Variants in SRGAP3 observed in about 807,000 individuals in gnomAD.
SRGAP3 encodes SLIT-ROBO Rho GTPase-activating protein 3.
In SRGAP3, 39 loss-of-function variants were observed where a neutral mutation model predicts 121.1. The observed-to-expected ratio is 0.32, with a 90% CI of 0.25 to 0.42. The LOEUF is 0.42. SRGAP3 is among the 10% of genes least tolerant of loss of function. SRGAP3 has a pLI of 1.00. For missense variants in SRGAP3, 1,213 were observed against 1,470.6 expected, an observed-to-expected ratio of 0.82 and a Z score of 2.86; for synonymous variants, 601 against 570.0, an observed-to-expected ratio of 1.05 and a Z score of -0.77.
chr3:9,098,155 C>A (rs1948065672), intron 3 of SRGAP3, among the ~76,000 whole-genome samples: 1 of 152,200 alleles, frequency 6.6e-6, no homozygotes, highest in African/African-American at 2.4e-5. Flanking sequence ...TGATAACCAT[C>A]CCTCTCTGCT....
Position 9,331,517 on chromosome 3 carries a change from C to T in SRGAP3, n.215-921G>A, listed in dbSNP as rs192962383. On this transcript the variant is annotated intron_variant and non_coding_transcript_variant, in intron 1 of 3. Coordinates refer to the SRGAP3 transcript ENST00000490889. Reference sequence around the variant, plus strand: ...TCAAAACCCAGATATGACCACCCACCCCAGCCCCATATGTCCTAATAATTC... The same window carrying T: ...TCAAAACCCAGATATGACCACCCACTCCAGCCCCATATGTCCTAATAATTC... Among the ~76,000 whole-genome samples, 178 of 152,292 alleles carry T rather than the reference C, an allele frequency of 1.2e-3. 2 individuals are homozygous for T. Among genetic ancestry groups the T allele is most frequent in the African/African-American group, 4.2e-3 (175 of 41,558 alleles).
At chr3:8,994,297 A>T (rs749564921) in intron 19 of SRGAP3, 46 bp downstream of exon 19, 1 of 1,611,160 alleles carries the variant, frequency 6.2e-7, no homozygotes, top group South Asian at 1.1e-5. Flanking sequence ...CCCAGACATC[A>T]CTAATCTATT....
intron 3 of SRGAP3, among the ~76,000 whole-genome samples, chr3:9,278,073 C>G (rs577775928): frequency 2.1e-4 from 32 of 152,284 alleles, no homozygotes; most frequent in Middle Eastern, 6.8e-3. Flanking sequence ...ACTTCCCAGC[C>G]TAAGGAGCTA....
At chr3:9,075,388 T>TGTGC (rs746257852) in intron 4 of SRGAP3, among the ~76,000 whole-genome samples, 1 of 141,526 alleles carries the variant, frequency 7.1e-6, no homozygotes, top group Admixed American at 6.8e-5. Context: ...TGTGTGTGTG[T>TGTGC]GTGCGCGCGC....
intron 1 of SRGAP3, among the ~76,000 whole-genome samples, chr3:9,243,678 G>T (rs1456687169): frequency 3.3e-5 from 5 of 151,448 alleles, no homozygotes; most frequent in East Asian, 1.9e-4. Context: ...AAAGGGACTG[G>T]TTTTTTGCGT....
chr3:9,115,122 T>A (rs1055687681), intron 2 of SRGAP3, among the ~76,000 whole-genome samples: 11 of 152,288 alleles, frequency 7.2e-5, no homozygotes, highest in African/African-American at 2.4e-4. Flanking sequence ...CAGCTGTGGG[T>A]CTGAAGTTAG....
At chr3:9,180,104 G>A (rs1951325890) in intron 1 of SRGAP3, among the ~76,000 whole-genome samples, 1 of 152,260 alleles carries the variant, frequency 6.6e-6, no homozygotes, top group Admixed American at 6.5e-5. Flanking sequence ...AGACATTCAA[G>A]AGAAAGGGAG....
chr3:8,988,705 C>T (rs1002829474), intron 21 of SRGAP3, among the ~76,000 whole-genome samples: 1 of 151,950 alleles, frequency 6.6e-6, no homozygotes, highest in African/African-American at 2.4e-5. Flanking sequence ...CACCAGGGAC[C>T]GTTTACGTGG....
At chr3:9,283,434 AC>A (rs1172375645) in intron 3 of SRGAP3, among the ~76,000 whole-genome samples, 1 of 152,210 alleles carries the variant, frequency 6.6e-6, no homozygotes, top group Non-Finnish European at 1.5e-5. Context: ...GATCTTCCAA[AC>A]ACTGTCACAT....
chr3:9,096,026 C>A (rs898690752), intron 3 of SRGAP3, among the ~76,000 whole-genome samples: 1 of 152,062 alleles, frequency 6.6e-6, no homozygotes, highest in Non-Finnish European at 1.5e-5. Flanking sequence ...GAGCTATGAT[C>A]ACACCACTGC....
chr3:9,019,917 G>C (rs773425186), intron 14 of SRGAP3, among the ~76,000 whole-genome samples: 32 of 152,186 alleles, frequency 2.1e-4, no homozygotes, highest in Non-Finnish European at 4.0e-4. Flanking sequence ...GCCTCCATAA[G>C]ACTTCTTTGT....
At chr3:9,164,238 G>A (rs1370618611) in intron 1 of SRGAP3, among the ~76,000 whole-genome samples, 1 of 149,556 alleles carries the variant, frequency 6.7e-6, no homozygotes, top group Non-Finnish European at 1.5e-5. Flanking sequence ...TACTGCTGAT[G>A]CTGAGCTTGG....
At chr3:9,026,834 C>T (rs748121284) in intron 13 of SRGAP3, 101 bp downstream of exon 13, 117 of 1,305,428 alleles carry the variant, frequency 9.0e-5, no homozygotes, top group African/African-American at 1.7e-4. Flanking sequence ...AGAGCTGTGA[C>T]GGGAAGTCTT....
chr3:9,043,539 T>A (rs1945118307), intron 10 of SRGAP3, among the ~76,000 whole-genome samples: 1 of 151,942 alleles, frequency 6.6e-6, no homozygotes. Context: ...AACTTTTCTC[T>A]GACGTGGAAT....
At chr3:9,126,413 C>T (rs1358528169) in intron 1 of SRGAP3, among the ~76,000 whole-genome samples, 2 of 152,116 alleles carry the variant, frequency 1.3e-5, no homozygotes, top group African/African-American at 2.4e-5. Flanking sequence ...GGGTGGATCA[C>T]GAGGTCAGGA....
At chr3:8,992,090 T>G (rs948861812) in intron 20 of SRGAP3, among the ~76,000 whole-genome samples, 2 of 152,172 alleles carry the variant, frequency 1.3e-5, no homozygotes, top group Non-Finnish European at 2.9e-5. Flanking sequence ...AAAAGAGGCA[T>G]CAGGATTTTT....
rs1320930482 is a variant in SRGAP3 at position 9,249,405 on chromosome 3, G to A, written c.-454C>T. 3 of 278,080 alleles carry A rather than the reference G, an allele frequency of 1.1e-5. No homozygotes were observed. In the East Asian group the frequency reaches 1.6e-4, roughly 15 times the overall value. 17.2% of individuals were successfully genotyped at this position (278,080 alleles called of 1,614,324 possible). On this transcript the variant is annotated 5_prime_UTR_variant, in exon 1 of 22. Transcript: ENST00000383836. The stretch of plus-strand genomic sequence containing the variant: ...ACCCTCACACGCACACACACTCGCT[G>A]GATCACTCACACACACACATCCACG...
intron 8 of SRGAP3, among the ~76,000 whole-genome samples, chr3:9,053,846 G>A (rs1019248515): frequency 5.3e-5 from 8 of 152,198 alleles, no homozygotes; most frequent in Admixed American, 2.0e-4. Context: ...CAGGGCCCAC[G>A]GGCCCTGACC....
At chr3:9,083,494 C>T (rs557323328) in intron 3 of SRGAP3, among the ~76,000 whole-genome samples, 1 of 152,328 alleles carries the variant, frequency 6.6e-6, no homozygotes, top group South Asian at 2.1e-4. Context: ...TCATACACAC[C>T]TTTGCATCTT....
Sources: gnomAD v4.1 joint callset for allele counts (sites outside exome capture counted in the v4.1 genomes callset) on GRCh38, gnomAD v4.1.1 for gene constraint, MANE v1.5 for transcripts, NCBI Gene and HGNC (gene_info 2026-07-23, HGNC 2026-07-21) for gene names.